NAALADL2: variants seen among roughly 807,000 people sequenced by gnomAD.
NAALADL2 encodes N-acetylated alpha-linked acidic dipeptidase like 2.
NAALADL2 carries 76 observed loss-of-function variants against 87.2 expected under a neutral mutation model. The observed-to-expected ratio is 0.87, with a 90% CI of 0.72 to 1.05. The LOEUF is 1.05. Among genes scored for constraint, NAALADL2 ranks in the 50% least tolerant of loss-of-function variants. The probability of loss-of-function intolerance (pLI) is 0.00; values close to 1 mark genes in which losing one functional copy is unlikely to be tolerated. For missense variants in NAALADL2, 1,089 were observed against 945.8 expected (o/e 1.15, Z -1.99); for synonymous variants, 354 against 331.0 (o/e 1.07, Z -0.75).
At chr3:175,279,232 G>T (rs1270273642) in intron 4 of NAALADL2, among the ~76,000 whole-genome samples, 1 of 152,056 alleles carries the variant, frequency 6.6e-6, no homozygotes, top group East Asian at 1.9e-4. Context: ...AGGGCAAGTG[G>T]GTATTTAATC....
At chr3:174,443,869 A>C (rs1714850169) in intron 1 of NAALADL2, among the ~76,000 whole-genome samples, 1 of 147,158 alleles carries the variant, frequency 6.8e-6, no homozygotes, top group African/African-American at 2.4e-5. Flanking sequence ...ATTGAGAATT[A>C]ATCTAGCAAA....
intron 2 of NAALADL2, among the ~76,000 whole-genome samples, chr3:174,586,038 A>G (rs1387528681): frequency 6.6e-6 from 1 of 152,240 alleles, no homozygotes. Flanking sequence ...GCTTGTACAT[A>G]GCAAGCTCTT....
At chr3:174,908,616 T>C (rs1212977645) in intron 1 of NAALADL2, among the ~76,000 whole-genome samples, 1 of 152,114 alleles carries the variant, frequency 6.6e-6, no homozygotes, top group Non-Finnish European at 1.5e-5. Context: ...ATCTTAGTAT[T>C]CATTAGAAAT....
At chr3:175,487,546 T>C in intron 9 of NAALADL2, 1 of 456,660 alleles carries the variant, frequency 2.2e-6, no homozygotes, top group Non-Finnish European at 4.4e-6. Flanking sequence ...GTTCCAGGTT[T>C]GATGATTAGT....
rs567122321 is a variant in NAALADL2 at position 175,702,227 on chromosome 3, T to C, written c.1897-35079T>C. Among the ~76,000 whole-genome samples the C allele has an allele frequency of 8.5e-5, 13 of 152,282 alleles. No homozygotes were observed. The South Asian group carries it at 2.5e-3, about 29-fold the overall frequency. On this transcript the variant is annotated intron_variant, in intron 11 of 13. Coordinates refer to ENST00000454872, the MANE Select transcript of NAALADL2 (RefSeq NM_207015.3). Reference sequence around the variant, plus strand: ...AGGTCTGGAGCCAAAGATTTGTTGTTCTCTCTCTGCACGTCACAATGCACT... The same window carrying C: ...AGGTCTGGAGCCAAAGATTTGTTGTCCTCTCTCTGCACGTCACAATGCACT...
chr3:175,437,730 A>C (rs954010267), intron 5 of NAALADL2, among the ~76,000 whole-genome samples: 1 of 152,004 alleles, frequency 6.6e-6, no homozygotes, highest in African/African-American at 2.4e-5. Context: ...CCAAAACAGC[A>C]TGGTACTGGT....
At chr3:174,796,502 C>G (rs1718109056) in intron 3 of NAALADL2, among the ~76,000 whole-genome samples, 1 of 151,908 alleles carries the variant, frequency 6.6e-6, no homozygotes, top group Non-Finnish European at 1.5e-5. Context: ...TGAGTTGTTT[C>G]ACTTAAGATA....
At chr3:174,577,764 G>A (rs1033264821) in intron 2 of NAALADL2, among the ~76,000 whole-genome samples, 11 of 151,878 alleles carry the variant, frequency 7.2e-5, no homozygotes, top group Non-Finnish European at 1.0e-4. Flanking sequence ...GGTAACAGAA[G>A]AATATTAATC....
intron 4 of NAALADL2, among the ~76,000 whole-genome samples, chr3:175,262,575 AGTGTGTGTGTGT>A (rs71164625): frequency 1.4e-5 from 2 of 147,118 alleles, no homozygotes; most frequent in East Asian, 2.0e-4. Context: ...ATGTTGTGTG[AGTGTGTGTGTGT>A]GTGTGTGTGT....
chr3:174,847,675 T>C (rs1724783430), intron 3 of NAALADL2, among the ~76,000 whole-genome samples: 3 of 152,154 alleles, frequency 2.0e-5, no homozygotes, highest in Non-Finnish European at 4.4e-5. Context: ...CAAAAACTGT[T>C]ACTTAGCACC....
intron 1 of NAALADL2, among the ~76,000 whole-genome samples, chr3:174,474,590 CTT>C (rs976456816): frequency 6.6e-6 from 1 of 151,990 alleles, no homozygotes; most frequent in African/African-American, 2.4e-5. Flanking sequence ...GAAATCTGTA[CTT>C]TTTTGTTGTG....
chr3:175,562,741 A>G (rs557094913), intron 9 of NAALADL2, among the ~76,000 whole-genome samples: 19 of 152,202 alleles, frequency 1.2e-4, no homozygotes, highest in Admixed American at 9.2e-4. Context: ...TGATTATTCT[A>G]TGATTTCTCA....
chr3:175,370,967 C>T (rs1051356142), intron 5 of NAALADL2, among the ~76,000 whole-genome samples: 3 of 152,014 alleles, frequency 2.0e-5, no homozygotes, highest in Admixed American at 6.6e-5. Flanking sequence ...ACATTATGTT[C>T]AGAATCATTG....
intron 2 of NAALADL2, among the ~76,000 whole-genome samples, chr3:175,199,281 A>T (rs756736719): frequency 2.6e-5 from 4 of 152,160 alleles, no homozygotes; most frequent in Non-Finnish European, 4.4e-5. Context: ...GTTGAATTGT[A>T]GTTAGACATG....
chr3:175,385,346 G>A (rs188441901), intron 5 of NAALADL2, among the ~76,000 whole-genome samples: 10 of 152,164 alleles, frequency 6.6e-5, no homozygotes, highest in Non-Finnish European at 1.5e-4. Context: ...AGATTCCATT[G>A]TGAAATTGTT....
At position 174,518,297 on chromosome 3, in the gene NAALADL2, A is replaced by G. The variant is rs544838670; in HGVS notation, c.-183-32272A>G. ...CTACATACAAGCAAACTGCTCTAGG[A>G]TCTATCATTTAACGATTTGTCTTTA... On this transcript the variant is annotated intron_variant, in intron 1 of 3. Transcript: ENST00000434257. Among the ~76,000 whole-genome samples, 38 of 152,302 alleles carry G rather than the reference A, an allele frequency of 2.5e-4. No homozygotes were observed. The South Asian group carries it at 7.5e-3, about 30-fold the overall frequency.
chr3:174,755,529 AGC>A (rs1355097949), intron 3 of NAALADL2, among the ~76,000 whole-genome samples: 1 of 152,170 alleles, frequency 6.6e-6, no homozygotes, highest in African/African-American at 2.4e-5. Context: ...AAAAATTTCG[AGC>A]CACCTCTCCT....
intron 5 of NAALADL2, among the ~76,000 whole-genome samples, chr3:175,375,253 T>C (rs2148964576): frequency 6.6e-6 from 1 of 152,280 alleles, no homozygotes. Context: ...CAAAATAATG[T>C]TAGTTCTTAA....
chr3:174,735,626 C>T (rs1433561748), intron 2 of NAALADL2, among the ~76,000 whole-genome samples: 1 of 152,112 alleles, frequency 6.6e-6, no homozygotes, highest in African/African-American at 2.4e-5. Context: ...GTGGTGCAAT[C>T]ACAGGTCACT....
Sources: gnomAD v4.1 joint callset for allele counts (sites outside exome capture counted in the v4.1 genomes callset) on GRCh38, gnomAD v4.1.1 for gene constraint, MANE v1.5 for transcripts, NCBI Gene and HGNC (gene_info 2026-07-23, HGNC 2026-07-21) for gene names.